The following CHLSN variants were observed in gnomAD, a reference collection of about 807,000 sequenced individuals.
The protein encoded by CHLSN is protein cholesin.
chr7:1,033,574 T>A, the CHLSN span, among the ~76,000 whole-genome samples: 1 of 150,376 alleles, frequency 6.6e-6, no homozygotes, highest in African/African-American at 2.5e-5. Context: ...AAAAAAAAAA[T>A]ACCATCGATA....
the CHLSN span, among the ~76,000 whole-genome samples, chr7:1,126,267 A>G: frequency 6.9e-6 from 1 of 144,780 alleles, no homozygotes; most frequent in Non-Finnish European, 1.5e-5. Flanking sequence ...AGGCTGAGAC[A>G]GGAGAGTGCA....
At chr7:1,014,844 C>T in the CHLSN span, among the ~76,000 whole-genome samples, 8 of 152,352 alleles carry the variant, frequency 5.3e-5, no homozygotes, top group Non-Finnish European at 8.8e-5. Flanking sequence ...CACCCTGTCC[C>T]GGCCTGAGCC....
chr7:1,074,967 G>A, the CHLSN span, among the ~76,000 whole-genome samples: 1 of 152,240 alleles, frequency 6.6e-6, no homozygotes, highest in Admixed American at 6.5e-5. Context: ...CCCGTGTGGT[G>A]AGCGGGAGGA....
At chr7:1,093,572 G>A in the CHLSN span, 5 of 471,040 alleles carry the variant, frequency 1.1e-5, no homozygotes, top group East Asian at 6.9e-5. Context: ...GTCACTGCTT[G>A]TTGACATCAA....
chr7:983,104 G>A, the CHLSN span: 8 of 962,094 alleles, frequency 8.3e-6, no homozygotes, highest in African/African-American at 5.1e-5. Context: ...CCACATTCTC[G>A]GGGTGGTGGG....
the CHLSN span, among the ~76,000 whole-genome samples, chr7:1,075,438 C>T: frequency 4.0e-5 from 6 of 151,382 alleles, no homozygotes; most frequent in African/African-American, 7.3e-5. Context: ...GCAGGAGAAT[C>T]GCTTGAACTG....
the CHLSN span, among the ~76,000 whole-genome samples, chr7:1,008,877 AAC>A: frequency 0.022 from 3,046 of 136,254 alleles, 92 homozygotes; most frequent in African/African-American, 0.085. Context: ...ACGTGTACGC[AAC>A]ACTCGTATAC....
the CHLSN span, among the ~76,000 whole-genome samples, chr7:1,004,528 C>T: frequency 7.2e-5 from 11 of 152,180 alleles, no homozygotes; most frequent in African/African-American, 1.9e-4. Flanking sequence ...TCTCTCTCAC[C>T]GAGCCCCCAC....
chr7:1,059,864 T>A, the CHLSN span, among the ~76,000 whole-genome samples: 1 of 39,670 alleles, frequency 2.5e-5, no homozygotes, highest in African/African-American at 1.1e-4. Context: ...GTGGGGCGGG[T>A]CTGTAGTGGG....
the CHLSN span, among the ~76,000 whole-genome samples, chr7:1,024,313 C>T: frequency 6.6e-6 from 1 of 152,134 alleles, no homozygotes; most frequent in East Asian, 1.9e-4. Flanking sequence ...GACGTGGGAC[C>T]AGGAATGGGC....
At chr7:1,132,895 G>A in the CHLSN span, among the ~76,000 whole-genome samples, 1 of 152,028 alleles carries the variant, frequency 6.6e-6, no homozygotes, top group African/African-American at 2.4e-5. Flanking sequence ...ATGACCAACA[G>A]GCACATGAAA....
At chr7:1,077,574 G>T in the CHLSN span, among the ~76,000 whole-genome samples, 1 of 152,270 alleles carries the variant, frequency 6.6e-6, no homozygotes, top group African/African-American at 2.4e-5. Context: ...TTCTGAACGT[G>T]CAAGCCCTCA....
chr7:999,061 A>G, the CHLSN span, among the ~76,000 whole-genome samples: 1 of 152,320 alleles, frequency 6.6e-6, no homozygotes, highest in East Asian at 1.9e-4. Context: ...TTTAATTACA[A>G]TAGTGTAAGA....
At chr7:981,106 G>A in the CHLSN span, among the ~76,000 whole-genome samples, 3 of 148,346 alleles carry the variant, frequency 2.0e-5, no homozygotes, top group South Asian at 7.0e-4. Context: ...GATCAGCCTG[G>A]CCAACATGGC....
the CHLSN span, among the ~76,000 whole-genome samples, chr7:1,089,880 C>T: frequency 6.6e-6 from 1 of 151,670 alleles, no homozygotes; most frequent in Non-Finnish European, 1.5e-5. Context: ...GTCAGAAGTT[C>T]GATACAAGCC....
the CHLSN span, among the ~76,000 whole-genome samples, chr7:1,015,976 C>T: frequency 6.6e-6 from 1 of 152,122 alleles, no homozygotes; most frequent in Admixed American, 6.5e-5. Context: ...TCTGTCTGGG[C>T]AGGACCATCT....
chr7:1,099,895 C>T, the CHLSN span, among the ~76,000 whole-genome samples: 3 of 152,176 alleles, frequency 2.0e-5, no homozygotes, highest in South Asian at 6.2e-4. Flanking sequence ...CACCTGACGG[C>T]GGGGACTCAA....
chr7:1,116,473 T>C, the CHLSN span, among the ~76,000 whole-genome samples: 331 of 80,324 alleles, frequency 4.1e-3, 2 homozygotes, highest in Admixed American at 5.5e-3. Context: ...ATCACTGCAG[T>C]TCTAGGACCA....
At chr7:1,066,277 G>A in the CHLSN span, among the ~76,000 whole-genome samples, 1 of 152,134 alleles carries the variant, frequency 6.6e-6, no homozygotes, top group Non-Finnish European at 1.5e-5. Context: ...GCAACGGTGC[G>A]GCCGTAGGTG....
Sources: gnomAD v4.1 joint callset for allele counts (sites outside exome capture counted in the v4.1 genomes callset) on GRCh38, gnomAD v4.1.1 for gene constraint, MANE v1.5 for transcripts, NCBI Gene and HGNC (gene_info 2026-07-23, HGNC 2026-07-21) for gene names.